Variants in GLT1D1 observed in about 807,000 individuals in gnomAD.
GLT1D1 encodes glycosyltransferase 1 domain containing 1, also known as glycosyltransferase 1 domain-containing protein 1.
Under a neutral mutation model 28.7 loss-of-function variants are expected in GLT1D1, and 21 were observed. The observed-to-expected ratio is 0.73, with a 90% CI of 0.52 to 1.05. GLT1D1 has a LOEUF of 1.05. Ranked by LOEUF, GLT1D1 falls within the 50% of genes least tolerant of loss-of-function variation. The pLI is 0.00. For synonymous variants in GLT1D1, 147 were observed against 124.8 expected (o/e 1.18, Z -1.19); for missense variants, 343 against 330.6 (o/e 1.04, Z -0.29).
chr12:128,861,544 TC>T (rs1204192201), intron 1 of GLT1D1, among the ~76,000 whole-genome samples: 1 of 152,114 alleles, frequency 6.6e-6, no homozygotes, highest in East Asian at 1.9e-4. Flanking sequence ...GGCAGTTCAG[TC>T]CAGCCAGGAG....
chr12:128,934,198 CTT>C (rs1228657723), intron 4 of GLT1D1, among the ~76,000 whole-genome samples: 11 of 73,406 alleles, frequency 1.5e-4, no homozygotes, highest in Admixed American at 1.8e-4. Context: ...AAGAGACAGT[CTT>C]TTTTTTTTTT....
At chr12:128,889,117 T>C (rs564015809) in intron 3 of GLT1D1, among the ~76,000 whole-genome samples, 1 of 152,152 alleles carries the variant, frequency 6.6e-6, no homozygotes, top group South Asian at 2.1e-4. Context: ...GCCTGAGTGG[T>C]AGAGCAAAGC....
chr12:128,975,992 T>G (rs1366732032), intron 7 of GLT1D1, among the ~76,000 whole-genome samples: 1 of 152,106 alleles, frequency 6.6e-6, no homozygotes, highest in Non-Finnish European at 1.5e-5. Flanking sequence ...GTCGGGGTGA[T>G]GACATGGTCA....
At chr12:128,950,148 C>T (rs1168186587) in intron 6 of GLT1D1, among the ~76,000 whole-genome samples, 3 of 152,142 alleles carry the variant, frequency 2.0e-5, no homozygotes, top group Admixed American at 2.0e-4. Context: ...TTTGAGTTTT[C>T]ATCATTAGGA....
At chr12:128,970,731 G>A (rs1401030849) in intron 7 of GLT1D1, among the ~76,000 whole-genome samples, 3 of 152,230 alleles carry the variant, frequency 2.0e-5, no homozygotes, top group Non-Finnish European at 4.4e-5. Flanking sequence ...AATCACCTTG[G>A]AAGGACTTTT....
rs1259012941 is a variant in GLT1D1 at position 128,975,085 on chromosome 12, C to T, written c.640-7844C>T. On this transcript the variant is annotated intron_variant, in intron 7 of 7. Transcript: ENST00000281703. ...CTTCCTCATGCTACAGACTCCCACGCTCCGTCACTCCTGAGCACCCACCAT... is the reference window on the plus strand; with the variant it reads ...CTTCCTCATGCTACAGACTCCCACGTTCCGTCACTCCTGAGCACCCACCAT... Among the ~76,000 whole-genome samples the T allele has an allele frequency of 2.6e-5, 4 of 152,350 alleles. No individual in the cohort carries two copies. In the South Asian group the frequency reaches 6.2e-4, roughly 24 times the overall value.
intron 1 of GLT1D1, among the ~76,000 whole-genome samples, chr12:128,874,955 A>C (rs1956836558): frequency 6.6e-6 from 1 of 151,898 alleles, no homozygotes; most frequent in Admixed American, 6.6e-5. Context: ...CTATTGAAAA[A>C]ATTTCTTTTT....
At chr12:128,953,743 CTT>C (rs3858582) in intron 6 of GLT1D1, among the ~76,000 whole-genome samples, 129,256 of 142,802 alleles carry the variant, frequency 0.91, 58,691 homozygotes, top group Non-Finnish European at 0.96. Flanking sequence ...ACTAAAATAG[CTT>C]TTTTTTTTTT....
intron 6 of GLT1D1, among the ~76,000 whole-genome samples, chr12:128,956,051 C>T (rs1480099238): frequency 6.7e-6 from 1 of 149,916 alleles, no homozygotes. Flanking sequence ...CCCAGCTACT[C>T]GGGAGGCTGA....
At chr12:128,903,063 A>G (rs1402894675) in intron 4 of GLT1D1, among the ~76,000 whole-genome samples, 1 of 151,310 alleles carries the variant, frequency 6.6e-6, no homozygotes, top group Non-Finnish European at 1.5e-5. Flanking sequence ...CTGTGGAAGC[A>G]TGCTCCTTTT....
intron 4 of GLT1D1, chr12:128,944,160 A>G (rs534334796): frequency 1.7e-5 from 6 of 346,814 alleles, no homozygotes; most frequent in African/African-American, 1.3e-4. Context: ...AAAGTCATAT[A>G]ATTTTCAAAG....
At chr12:128,945,946 A>T (rs113047763) in intron 5 of GLT1D1, among the ~76,000 whole-genome samples, 1,542 of 152,260 alleles carry the variant, frequency 0.01, 23 homozygotes, top group African/African-American at 0.035. Context: ...GAATGAGCAG[A>T]CCAGAAGGAT....
At chr12:128,967,429 C>T (rs1044025220) in intron 7 of GLT1D1, among the ~76,000 whole-genome samples, 1 of 152,228 alleles carries the variant, frequency 6.6e-6, no homozygotes, top group East Asian at 1.9e-4. Context: ...CCTCTCCTGC[C>T]CTCTGCTCGA....
intron 2 of GLT1D1, among the ~76,000 whole-genome samples, chr12:128,886,738 C>T (rs1228156855): frequency 1.3e-5 from 2 of 151,976 alleles, no homozygotes; most frequent in Non-Finnish European, 2.9e-5. Context: ...TAATACCCCT[C>T]CCCTGTCCCA....
At chr12:128,871,091 A>C (rs774016905) in intron 1 of GLT1D1, among the ~76,000 whole-genome samples, 2 of 152,192 alleles carry the variant, frequency 1.3e-5, no homozygotes, top group Non-Finnish European at 2.9e-5. Flanking sequence ...ATTCTGCATA[A>C]GTCATGAGTC....
intron 4 of GLT1D1, among the ~76,000 whole-genome samples, chr12:128,921,963 C>G (rs1593134898): frequency 6.6e-6 from 1 of 151,192 alleles, no homozygotes; most frequent in Admixed American, 6.6e-5. Flanking sequence ...CTTGACTTCC[C>G]CCTCTTTTTG....
chr12:128,942,470 A>G (rs1875405118), intron 4 of GLT1D1, among the ~76,000 whole-genome samples: 1 of 152,196 alleles, frequency 6.6e-6, no homozygotes, highest in African/African-American at 2.4e-5. Context: ...TTTCCCCAAA[A>G]ATACATAAGA....
chr12:128,880,317 C>T (rs533246346), intron 2 of GLT1D1, among the ~76,000 whole-genome samples: 5 of 151,808 alleles, frequency 3.3e-5, no homozygotes, highest in Admixed American at 1.3e-4. Flanking sequence ...CAACCTATTG[C>T]CCAGAGGAAA....
chr12:128,910,209 A>G (rs1238115477), intron 4 of GLT1D1, among the ~76,000 whole-genome samples: 1 of 151,768 alleles, frequency 6.6e-6, no homozygotes, highest in African/African-American at 2.4e-5. Context: ...AAGTCCAGAA[A>G]TCTTCACTTT....
Sources: allele counts gnomAD v4.1 joint callset (sites outside exome capture counted in the v4.1 genomes callset), GRCh38; gene constraint gnomAD v4.1.1; transcripts MANE v1.5; gene names NCBI Gene and HGNC (gene_info 2026-07-23, HGNC 2026-07-21).